KLHL6: variants seen among roughly 807,000 people sequenced by gnomAD.
KLHL6 encodes the protein kelch-like protein 6.
In KLHL6, 41 loss-of-function variants were observed where a neutral mutation model predicts 58.6. That is an observed-to-expected ratio of 0.70 (90% CI 0.55 to 0.91). The LOEUF (loss-of-function observed/expected upper bound fraction) is 0.91. Among genes scored for constraint, KLHL6 ranks in the 40% least tolerant of loss-of-function variants. The probability of loss-of-function intolerance (pLI) is 0.00; values close to 1 mark genes in which losing one functional copy is unlikely to be tolerated. For synonymous variants in KLHL6, 338 were observed against 322.7 expected, an observed-to-expected ratio of 1.05 and a Z score of -0.51; for missense variants, 714 against 805.6, an observed-to-expected ratio of 0.89 and a Z score of 1.38.
intron 1 of KLHL6, among the ~76,000 whole-genome samples, chr3:183,535,162 C>T (rs1712323238): frequency 6.6e-6 from 1 of 152,088 alleles, no homozygotes; most frequent in African/African-American, 2.4e-5. Flanking sequence ...TCAGGCTGGT[C>T]TCAAACTCCT....
intron 1 of KLHL6, among the ~76,000 whole-genome samples, chr3:183,546,911 CT>C (rs397991831): frequency 0.014 from 1,841 of 132,664 alleles, 36 homozygotes; most frequent in African/African-American, 0.044. Flanking sequence ...TGCCATAAGT[CT>C]TTTTTTTTTT....
intron 2 of KLHL6, among the ~76,000 whole-genome samples, chr3:183,526,273 T>G (rs1488549845): frequency 6.6e-6 from 1 of 152,206 alleles, no homozygotes; most frequent in Non-Finnish European, 1.5e-5. Flanking sequence ...ATTGTGCCAT[T>G]GTACTCCAGC....
chr3:183,535,700 A>C (rs995990475), intron 1 of KLHL6, among the ~76,000 whole-genome samples: 1 of 152,202 alleles, frequency 6.6e-6, no homozygotes, highest in African/African-American at 2.4e-5. Flanking sequence ...AATGAAGTCA[A>C]TGTGTTTCCC....
At chr3:183,549,080 T>C (rs533502186) in intron 1 of KLHL6, 1 of 149,796 alleles carries the variant, frequency 6.7e-6, no homozygotes, top group South Asian at 2.1e-4. Flanking sequence ...GGTTGATAGG[T>C]GCAGCAAACC....
At chr3:183,535,925 G>A (rs1002859690) in intron 1 of KLHL6, among the ~76,000 whole-genome samples, 7 of 152,134 alleles carry the variant, frequency 4.6e-5, no homozygotes, top group African/African-American at 9.7e-5. Flanking sequence ...ACAGGCGCCC[G>A]CCACCACGCA....
intron 2 of KLHL6, among the ~76,000 whole-genome samples, chr3:183,508,829 T>A (rs1044153534): frequency 2.6e-5 from 4 of 152,252 alleles, no homozygotes; most frequent in Non-Finnish European, 4.4e-5. Context: ...ATACATATAA[T>A]TCATTCATAC....
At chr3:183,535,249 G>A (rs1006605524) in intron 1 of KLHL6, among the ~76,000 whole-genome samples, 1 of 152,110 alleles carries the variant, frequency 6.6e-6, no homozygotes, top group African/African-American at 2.4e-5. Context: ...AGCCTTATGC[G>A]TATTTTATAC....
intron 1 of KLHL6, among the ~76,000 whole-genome samples, chr3:183,553,939 T>C (rs1406055972): frequency 6.6e-6 from 1 of 150,446 alleles, no homozygotes; most frequent in African/African-American, 2.5e-5. Flanking sequence ...CTGATCCTGC[T>C]CTATGAATTA....
At chr3:183,525,330 G>A (rs532859923) in intron 2 of KLHL6, among the ~76,000 whole-genome samples, 2 of 147,050 alleles carry the variant, frequency 1.4e-5, no homozygotes, top group Non-Finnish European at 3.0e-5. Context: ...CTAACCCGGG[G>A]GGGAAAATTT....
intron 2 of KLHL6, among the ~76,000 whole-genome samples, chr3:183,509,012 C>T (rs1718104353): frequency 6.6e-6 from 1 of 152,148 alleles, no homozygotes; most frequent in South Asian, 2.1e-4. Context: ...CTAAAGACGT[C>T]ATGGGAACAT....
intron 2 of KLHL6, among the ~76,000 whole-genome samples, chr3:183,525,125 A>C (rs369036019): frequency 6.6e-6 from 1 of 152,076 alleles, no homozygotes; most frequent in Non-Finnish European, 1.5e-5. Flanking sequence ...TTAGCCAGGC[A>C]TGGTGGTGCA....
intron 1 of KLHL6, among the ~76,000 whole-genome samples, chr3:183,554,537 A>G (rs1713039182): frequency 6.6e-6 from 1 of 152,170 alleles, no homozygotes; most frequent in African/African-American, 2.4e-5. Context: ...TCACCAGTTT[A>G]TCGTAACTAG....
chr3:183,528,268 T>G (rs1712045904), intron 1 of KLHL6, among the ~76,000 whole-genome samples: 1 of 152,152 alleles, frequency 6.6e-6, no homozygotes, highest in African/African-American at 2.4e-5. Flanking sequence ...TTTTATTGGC[T>G]TTTATTGGCT....
chr3:183,549,791 G>A (rs572750154), intron 1 of KLHL6, among the ~76,000 whole-genome samples: 6 of 152,318 alleles, frequency 3.9e-5, no homozygotes, highest in African/African-American at 1.4e-4. Flanking sequence ...ATAAAAGACA[G>A]AGGCCAGGTG....
At chr3:183,529,434 C>T (rs760574492) in intron 1 of KLHL6, among the ~76,000 whole-genome samples, 23 of 151,816 alleles carry the variant, frequency 1.5e-4, no homozygotes, top group Non-Finnish European at 2.9e-4. Flanking sequence ...AATGTGTGAG[C>T]AATTTTATTT....
At chr3:183,523,781 A>G (rs1259230578) in intron 2 of KLHL6, among the ~76,000 whole-genome samples, 1 of 151,772 alleles carries the variant, frequency 6.6e-6, no homozygotes, top group East Asian at 1.9e-4. Flanking sequence ...TTTGTTTTAA[A>G]TGGAGTTTCA....
chr3:183,501,000 G>A (rs896931921), intron 3 of KLHL6, among the ~76,000 whole-genome samples: 3 of 152,110 alleles, frequency 2.0e-5, no homozygotes, highest in African/African-American at 4.8e-5. Context: ...TTGTTTGTTC[G>A]GTTGGTTTTC....
In KLHL6 at chr3:183,489,055, T is replaced by C. The variant is rs1032754225; in HGVS notation, c.*2872A>G. 3 of 152,248 alleles carry C rather than the reference T, an allele frequency of 2.0e-5. No individual in the cohort carries two copies. The highest frequency in any genetic ancestry group is 6.5e-5 in the Admixed American group (1 of 15,280). 9.4% of individuals were successfully genotyped at this position (152,248 alleles called of 1,614,324 possible). The stretch of plus-strand genomic sequence containing the variant: ...GGTCCTACATTTAGAATCAGGTTTA[T>C]AGCACAGAAATCCCAAATCCTCACT... On this transcript the variant is annotated 3_prime_UTR_variant, in exon 7 of 7. Transcript: ENST00000341319.
chr3:183,518,099 T>C (rs1711621806), intron 2 of KLHL6, among the ~76,000 whole-genome samples: 1 of 152,224 alleles, frequency 6.6e-6, no homozygotes, highest in Non-Finnish European at 1.5e-5. Context: ...CTTTCTGCCC[T>C]GGGCTCTACT....
Sources: allele counts gnomAD v4.1 joint callset (sites outside exome capture counted in the v4.1 genomes callset), GRCh38; gene constraint gnomAD v4.1.1; transcripts MANE v1.5; gene names NCBI Gene and HGNC (gene_info 2026-07-23, HGNC 2026-07-21).